MYL4: variants seen among roughly 807,000 people sequenced by gnomAD.
MYL4 encodes the protein myosin light chain 4.
Under a neutral mutation model 21.6 loss-of-function variants are expected in MYL4, and 16 were observed. The observed-to-expected ratio is 0.74, with a 90% CI of 0.50 to 1.12. The LOEUF is 1.12. MYL4 is among the 50% of genes most tolerant of loss of function. The pLI, the probability that MYL4 is intolerant of heterozygous loss-of-function variation, is 0.00. For synonymous variants in MYL4, 82 were observed against 95.7 expected, an observed-to-expected ratio of 0.86 and a Z score of 0.83; for missense variants, 249 against 252.9, an observed-to-expected ratio of 0.98 and a Z score of 0.11.
chr17:47,218,385 A>G (rs1567748482), intron 2 of MYL4, among the ~76,000 whole-genome samples: 1 of 152,260 alleles, frequency 6.6e-6, no homozygotes, highest in Admixed American at 6.5e-5. Context: ...TTTGGCTTAT[A>G]CTGTTCATCT....
intron 1 of MYL4, among the ~76,000 whole-genome samples, chr17:47,210,432 C>A (rs2064765694): frequency 6.6e-6 from 1 of 152,150 alleles, no homozygotes; most frequent in Admixed American, 6.5e-5. Context: ...TGAAGAGGAG[C>A]AGTTTTAAGC....
chr17:47,203,312 T>C (rs2064716112), intron 1 of MYL4, among the ~76,000 whole-genome samples: 1 of 152,160 alleles, frequency 6.6e-6, no homozygotes, highest in South Asian at 2.1e-4. Flanking sequence ...TCCATATCTC[T>C]TAGCTTTTCT....
intron 2 of MYL4, among the ~76,000 whole-genome samples, chr17:47,214,579 A>C (rs907132851): frequency 1.3e-5 from 2 of 152,242 alleles, no homozygotes; most frequent in Non-Finnish European, 2.9e-5. Context: ...AACTTAAATG[A>C]ATATTTGCAC....
intron 2 of MYL4, among the ~76,000 whole-genome samples, chr17:47,218,479 T>C (rs1344097282): frequency 6.6e-6 from 1 of 152,172 alleles, no homozygotes; most frequent in Non-Finnish European, 1.5e-5. Flanking sequence ...AATGAATTGG[T>C]TGAATCCCAA....
At chr17:47,191,139 T>G in the MYL4 span, among the ~76,000 whole-genome samples, 1 of 152,234 alleles carries the variant, frequency 6.6e-6, no homozygotes, top group Non-Finnish European at 1.5e-5. Flanking sequence ...TGAGCATCAC[T>G]TCTTGTTGGT....
At chr17:47,221,530 C>T in intron 3 of MYL4, 152 bp from the exon 4 acceptor site, 1 of 784,864 alleles carries the variant, frequency 1.3e-6, no homozygotes, top group African/African-American at 1.7e-5. Context: ...GCTCTGTGTC[C>T]TCTAGGAGCA....
chr17:47,199,101 C>T (rs866866419), upstream of MYL4, among the ~76,000 whole-genome samples: 22 of 151,384 alleles, frequency 1.5e-4, no homozygotes, highest in Middle Eastern at 6.8e-3. Flanking sequence ...TTTAGCCGGG[C>T]GTGGTGGCGG....
chr17:47,215,975 C>T (rs1165653222), intron 2 of MYL4, among the ~76,000 whole-genome samples: 4 of 151,974 alleles, frequency 2.6e-5, no homozygotes, highest in African/African-American at 7.3e-5. Context: ...ATGGGGGTCT[C>T]GCTATTTTGC....
At chr17:47,196,970 C>G (rs2064691068), upstream of MYL4, among the ~76,000 whole-genome samples, 2 of 151,138 alleles carry the variant, frequency 1.3e-5, no homozygotes, top group Admixed American at 1.3e-4. Context: ...TTTGAAATAT[C>G]TGATGATTGA....
intron 2 of MYL4, 130 bp downstream of exon 2, chr17:47,213,956 T>C (rs764164467): frequency 9.2e-7 from 1 of 1,092,052 alleles, no homozygotes; most frequent in East Asian, 2.4e-5. Flanking sequence ...AGCAAACCTA[T>C]ATTGAGCATC....
chr17:47,196,198 A>G (rs556538446), upstream of MYL4, among the ~76,000 whole-genome samples: 34 of 152,306 alleles, frequency 2.2e-4, no homozygotes, highest in African/African-American at 8.2e-4. Flanking sequence ...TGTCCTTATA[A>G]AAAGATGCAC....
upstream of MYL4, among the ~76,000 whole-genome samples, chr17:47,199,545 C>T (rs527455999): frequency 1.5e-4 from 23 of 152,070 alleles, no homozygotes; most frequent in East Asian, 1.5e-3. Context: ...AGCTCACTGT[C>T]TGGTGTAGAG....
the MYL4 span, among the ~76,000 whole-genome samples, chr17:47,190,160 A>G: frequency 1.2e-4 from 18 of 152,182 alleles, no homozygotes; most frequent in Non-Finnish European, 2.4e-4. Flanking sequence ...TTGATAGGTG[A>G]GGCATTCCGC....
At chr17:47,197,056 G>A (rs182862263), upstream of MYL4, among the ~76,000 whole-genome samples, 759 of 149,500 alleles carry the variant, frequency 5.1e-3, 2 homozygotes, top group Non-Finnish European at 7.1e-3. Flanking sequence ...TCTGGGCCCA[G>A]AGAACATGCT....
At chr17:47,218,763 G>T (rs2064833107) in intron 2 of MYL4, among the ~76,000 whole-genome samples, 2 of 152,136 alleles carry the variant, frequency 1.3e-5, no homozygotes, top group African/African-American at 4.8e-5. Context: ...CTCCAGCCTG[G>T]GTGACAGAGC....
At position 47,219,901 on chromosome 17, in the gene MYL4, C is replaced by A; in HGVS notation, c.164-3C>A. The A allele has an allele frequency of 6.2e-7, 1 of 1,614,254 alleles. No individual in the cohort carries two copies. The highest frequency in any genetic ancestry group is 8.5e-7 in the Non-Finnish European group (1 of 1,180,052). Reference sequence around the variant, plus strand: ...AAGGTATAGCTGGGTCTTCTCTCCACAGAGTTCAAAGAGGCCTTTTCATTG... The same window carrying A: ...AAGGTATAGCTGGGTCTTCTCTCCAAAGAGTTCAAAGAGGCCTTTTCATTG... On this transcript the variant is annotated splice_region_variant and splice_polypyrimidine_tract_variant and intron_variant, in intron 2 of 6. Transcript: ENST00000393450.
chr17:47,209,346 C>T, upstream of MYL4: 1 of 1,600,028 alleles, frequency 6.2e-7, no homozygotes, highest in South Asian at 1.1e-5. Context: ...GCCCAGGCTC[C>T]TATCTCATCT....
intron 1 of MYL4, among the ~76,000 whole-genome samples, chr17:47,212,946 G>C (rs1422941624): frequency 6.6e-6 from 1 of 152,160 alleles, no homozygotes; most frequent in East Asian, 1.9e-4. Context: ...CTTAACGAGG[G>C]ATATGTGCTG....
At chr17:47,219,374 C>G (rs1044396985) in intron 2 of MYL4, among the ~76,000 whole-genome samples, 3 of 152,322 alleles carry the variant, frequency 2.0e-5, no homozygotes. Context: ...TGAGGCAGAG[C>G]CAAGATGAGA....
Sources: allele counts gnomAD v4.1 joint callset (sites outside exome capture counted in the v4.1 genomes callset), GRCh38; gene constraint gnomAD v4.1.1; transcripts MANE v1.5; gene names NCBI Gene and HGNC (gene_info 2026-07-23, HGNC 2026-07-21).